NRF1: variants seen among roughly 807,000 people sequenced by gnomAD.
The protein encoded by NRF1 is nuclear respiratory factor 1, also known as alpha palindromic-binding protein.
Under a neutral mutation model 58.5 loss-of-function variants are expected in NRF1, and 5 were observed. The ratio of observed to expected loss-of-function variants is 0.09; its 90% confidence interval spans 0.04 to 0.18. NRF1 has a LOEUF of 0.18. NRF1 is among the 10% of genes least tolerant of loss of function. NRF1 has a pLI of 1.00. For synonymous variants in NRF1, 224 were observed against 246.7 expected (o/e 0.91, Z 0.86); for missense variants, 288 against 657.7 (o/e 0.44, Z 6.15).
At chr7:129,698,121 G>A (rs1022671021) in intron 5 of NRF1, among the ~76,000 whole-genome samples, 2 of 152,106 alleles carry the variant, frequency 1.3e-5, no homozygotes, top group Non-Finnish European at 2.9e-5. Context: ...AGCAATGTCT[G>A]CAGTTCTGTG....
intron 1 of NRF1, among the ~76,000 whole-genome samples, chr7:129,646,611 G>T (rs1445330963): frequency 6.6e-6 from 1 of 152,210 alleles, no homozygotes; most frequent in Non-Finnish European, 1.5e-5. Context: ...CAGGAGAGAA[G>T]AGGCACAGCT....
At chr7:129,699,029 A>G (rs1802759673) in intron 5 of NRF1, among the ~76,000 whole-genome samples, 1 of 151,742 alleles carries the variant, frequency 6.6e-6, no homozygotes. Flanking sequence ...ATTAAAATCC[A>G]CTCTTCTTTC....
chr7:129,660,852 G>A (rs1407802257), intron 2 of NRF1, among the ~76,000 whole-genome samples: 4 of 151,076 alleles, frequency 2.6e-5, no homozygotes, highest in African/African-American at 7.4e-5. Context: ...CAGTGCCCCC[G>A]AAGGGACTCT....
chr7:129,755,298 C>T lies in NRF1; in HGVS notation c.*117C>T. On this transcript the variant is annotated 3_prime_UTR_variant, in exon 11 of 11. Transcript: ENST00000393232. The surrounding 1 kb of genome is among the most constrained non-coding windows in gnomAD (Gnocchi z 5.8). The stretch of plus-strand genomic sequence containing the variant: ...ACTTTGGAAGGAAAGTTTTGTTAAC[C>T]TTTTTTTTTTTAAAAGGAAGAAAGC... The T allele has an allele frequency of 2.6e-6, 2 of 764,880 alleles. No individual in the cohort carries two copies. The highest frequency in any genetic ancestry group is 3.5e-6 in the Non-Finnish European group (2 of 563,460). 47.4% of individuals were successfully genotyped at this position (764,880 alleles called of 1,614,324 possible).
chr7:129,645,489 C>G lies in NRF1; in HGVS notation c.-6-11857C>G, dbSNP rs150653328. Among the ~76,000 whole-genome samples, 171 of 152,280 alleles carry G rather than the reference C, an allele frequency of 1.1e-3. 1 individual carries two copies. Among genetic ancestry groups the G allele is most frequent in the African/African-American group, 3.9e-3 (161 of 41,540 alleles). On this transcript the variant is annotated intron_variant, in intron 1 of 10. Transcript: ENST00000393232. ...TAACTCTAAATCGCTCTTTCCCATG[C>G]TGGAAATGATAGCCATTACCCACCA...
intron 5 of NRF1, among the ~76,000 whole-genome samples, chr7:129,690,963 A>G (rs1219868078): frequency 6.6e-6 from 1 of 152,204 alleles, no homozygotes; most frequent in East Asian, 1.9e-4. Flanking sequence ...CATAATTATT[A>G]CTAAGTACAG....
rs75002267 is a variant in NRF1 at position 129,637,504 on chromosome 7, A to C, written c.-6-19842A>C. Among the ~76,000 whole-genome samples the C allele has an allele frequency of 7.6e-3, 1,159 of 152,268 alleles. 16 individuals carry two copies. The highest frequency in any genetic ancestry group is 0.027 in the African/African-American group (1,102 of 41,554). On this transcript the variant is annotated intron_variant, in intron 1 of 10. Coordinates refer to ENST00000393232, the MANE Select transcript of NRF1 (RefSeq NM_005011.5). ...GTCTTATTATTTTGAAGGGAGAAAT[A>C]AATCTATAAAGCAGAAATAAAGTTT...
intron 2 of NRF1, among the ~76,000 whole-genome samples, chr7:129,665,317 C>G (rs1279685023): frequency 6.6e-6 from 1 of 152,296 alleles, no homozygotes; most frequent in South Asian, 2.1e-4. Flanking sequence ...TGGAATCAGG[C>G]TTCCTGGGTT....
intron 2 of NRF1, among the ~76,000 whole-genome samples, chr7:129,660,683 G>A (rs1334360671): frequency 6.6e-6 from 1 of 150,750 alleles, no homozygotes; most frequent in Admixed American, 6.6e-5. Context: ...GGACAGCTCT[G>A]CCCCCTGTGG....
At chr7:129,661,425 C>T (rs979191382) in intron 2 of NRF1, among the ~76,000 whole-genome samples, 5 of 151,102 alleles carry the variant, frequency 3.3e-5, no homozygotes, top group African/African-American at 1.2e-4. Context: ...TTTTCCTTCC[C>T]TTATAAAACA....
chr7:129,691,392 C>T (rs1364453343), intron 5 of NRF1, among the ~76,000 whole-genome samples: 3 of 131,894 alleles, frequency 2.3e-5, no homozygotes, highest in East Asian at 2.2e-4. Flanking sequence ...GACAGAGTCT[C>T]GAGCTGTGGC....
chr7:129,648,890 T>C lies in NRF1; in HGVS notation c.-6-8456T>C, dbSNP rs138291322. On this transcript the variant is annotated intron_variant, in intron 1 of 10. Coordinates refer to ENST00000393232, the MANE Select transcript of NRF1 (RefSeq NM_005011.5). ...TTGGTCTGTAGTCGGGGTCTGGAGA[T>C]GGAACTACATGTACAACTATAGCTT... Among the ~76,000 whole-genome samples, 358 of 151,906 alleles carry C rather than the reference T, an allele frequency of 2.4e-3. 3 individuals carry two copies. Among genetic ancestry groups the C allele is most frequent in the African/African-American group, 7.8e-3 (325 of 41,514 alleles).
chr7:129,638,528 G>A (rs1287103317), intron 1 of NRF1, among the ~76,000 whole-genome samples: 7 of 152,138 alleles, frequency 4.6e-5, no homozygotes, highest in African/African-American at 1.7e-4. Context: ...ACATTTGATG[G>A]CCTCTTTTCC....
intron 1 of NRF1, among the ~76,000 whole-genome samples, chr7:129,619,433 T>TATATATATATATACACAC (rs1554401492): frequency 1.5e-5 from 1 of 65,874 alleles, no homozygotes; most frequent in Admixed American, 1.9e-4. Context: ...TATATATATA[T>TATATATATATATACACAC]ACACACACAC....
chr7:129,696,144 T>C (rs1051173438), intron 5 of NRF1, among the ~76,000 whole-genome samples: 1 of 149,932 alleles, frequency 6.7e-6, no homozygotes, highest in Non-Finnish European at 1.5e-5. Context: ...CTCAGGAGGC[T>C]GAGGCAGGAG....
chr7:129,679,925 G>A (rs1219617793), intron 4 of NRF1, among the ~76,000 whole-genome samples: 1 of 151,530 alleles, frequency 6.6e-6, no homozygotes, highest in Non-Finnish European at 1.5e-5. Flanking sequence ...AGACGTGGTG[G>A]CGGGCGCCTG....
intron 1 of NRF1, among the ~76,000 whole-genome samples, chr7:129,619,970 T>C (rs1036349225): frequency 4.6e-5 from 7 of 152,012 alleles, no homozygotes; most frequent in Non-Finnish European, 1.0e-4. Context: ...TATGTGTGAG[T>C]GCATGTGTGA....
chr7:129,709,671 C>T (rs1413429612), intron 6 of NRF1, among the ~76,000 whole-genome samples: 1 of 151,830 alleles, frequency 6.6e-6, no homozygotes, highest in Non-Finnish European at 1.5e-5. Flanking sequence ...AAAGACTAAA[C>T]TACCTACCAT....
intron 1 of NRF1, among the ~76,000 whole-genome samples, chr7:129,620,049 CAA>C (rs1385563063): frequency 3.3e-5 from 5 of 152,122 alleles, no homozygotes; most frequent in African/African-American, 1.2e-4. Context: ...ACAGAAAAGT[CAA>C]GGGCCTTTAC....
Sources: allele counts gnomAD v4.1 joint callset (sites outside exome capture counted in the v4.1 genomes callset), GRCh38; gene constraint gnomAD v4.1.1; non-coding constraint Gnocchi (gnomAD v3.1); transcripts MANE v1.5; gene names NCBI Gene and HGNC (gene_info 2026-07-23, HGNC 2026-07-21).